CDKAL1: variants seen among roughly 807,000 people sequenced by gnomAD.
CDKAL1 encodes threonylcarbamoyladenosine tRNA methylthiotransferase.
A neutral mutation model predicts 68.2 loss-of-function variants in CDKAL1; 32 were observed. The ratio of observed to expected loss-of-function variants is 0.47; its 90% CI spans 0.35 to 0.63. The LOEUF (loss-of-function observed/expected upper bound fraction) is 0.63, where lower values mean the gene tolerates loss of function less well. CDKAL1 is among the 30% of genes least tolerant of loss of function. The pLI is 0.00. For missense variants in CDKAL1, 606 were observed against 696.7 expected, an observed-to-expected ratio of 0.87 and a Z score of 1.47; for synonymous variants, 234 against 244.3, an observed-to-expected ratio of 0.96 and a Z score of 0.39.
chr6:21,121,388 ACT>A (rs1774704558), intron 13 of CDKAL1, among the ~76,000 whole-genome samples: 1 of 152,110 alleles, frequency 6.6e-6, no homozygotes, highest in South Asian at 2.1e-4. Context: ...CGTTCCATAG[ACT>A]CTAAGCCATT....
intron 9 of CDKAL1, among the ~76,000 whole-genome samples, chr6:20,931,033 G>A (rs1010790070): frequency 6.6e-6 from 1 of 152,184 alleles, no homozygotes. Context: ...GTGAGCCACC[G>A]CGCCCGGCTG....
At chr6:21,079,860 T>C (rs1281043666) in intron 12 of CDKAL1, among the ~76,000 whole-genome samples, 1 of 152,142 alleles carries the variant, frequency 6.6e-6, no homozygotes, top group Non-Finnish European at 1.5e-5. Context: ...TTTTATCTTT[T>C]CCCAAGCTGT....
chr6:20,884,763 A>C (rs1461291409), intron 9 of CDKAL1, among the ~76,000 whole-genome samples: 2 of 152,236 alleles, frequency 1.3e-5, no homozygotes, highest in Admixed American at 6.5e-5. Flanking sequence ...TTCCGTTTAC[A>C]ATAGCATCTG....
intron 10 of CDKAL1, among the ~76,000 whole-genome samples, chr6:20,990,608 C>T (rs1035795428): frequency 3.3e-5 from 5 of 152,198 alleles, no homozygotes; most frequent in Admixed American, 6.5e-5. Context: ...TCATTTGGGT[C>T]GTAAGAATTG....
At chr6:20,556,361 G>A (rs905815586) in intron 4 of CDKAL1, among the ~76,000 whole-genome samples, 11 of 151,110 alleles carry the variant, frequency 7.3e-5, no homozygotes, top group Admixed American at 7.2e-4. Flanking sequence ...CTGAAACTCC[G>A]CCTCAAAAAA....
intron 13 of CDKAL1, among the ~76,000 whole-genome samples, chr6:21,176,184 A>G (rs577380184): frequency 6.6e-6 from 1 of 152,378 alleles, no homozygotes; most frequent in Non-Finnish European, 1.5e-5. Context: ...CCTTAGGTGG[A>G]ACAGATGTTA....
At chr6:20,977,480 T>C (rs952903575) in intron 10 of CDKAL1, among the ~76,000 whole-genome samples, 5 of 152,210 alleles carry the variant, frequency 3.3e-5, no homozygotes, top group Non-Finnish European at 7.4e-5. Context: ...ATAACCCCTT[T>C]AGGTCTTTGT....
chr6:20,961,494 G>A (rs921189284), intron 10 of CDKAL1, among the ~76,000 whole-genome samples: 3 of 152,138 alleles, frequency 2.0e-5, no homozygotes, highest in East Asian at 1.9e-4. Flanking sequence ...TCGGCTGGGC[G>A]CAGTGGCTCA....
intron 7 of CDKAL1, among the ~76,000 whole-genome samples, chr6:20,760,495 A>G (rs1003486858): frequency 2.6e-5 from 4 of 152,202 alleles, no homozygotes; most frequent in African/African-American, 9.6e-5. Context: ...TGTGAAGTGA[A>G]GTGGGCATAA....
chr6:20,783,778 G>A (rs1775536429), intron 8 of CDKAL1, among the ~76,000 whole-genome samples: 1 of 152,176 alleles, frequency 6.6e-6, no homozygotes, highest in East Asian at 1.9e-4. Flanking sequence ...GGCTGAATGT[G>A]TTTCAGTTGT....
At chr6:20,658,722 A>T (rs1769143963) in intron 5 of CDKAL1, among the ~76,000 whole-genome samples, 1 of 152,226 alleles carries the variant, frequency 6.6e-6, no homozygotes, top group Non-Finnish European at 1.5e-5. Context: ...GTTAGTAATT[A>T]TCCAGTTTAA....
chr6:20,641,556 A>C (rs1169160822), intron 4 of CDKAL1, among the ~76,000 whole-genome samples: 1 of 152,174 alleles, frequency 6.6e-6, no homozygotes, highest in African/African-American at 2.4e-5. Context: ...TTAGAACAGA[A>C]TTTCCCTTTT....
chr6:20,559,091 T>C (rs1764172136), intron 4 of CDKAL1: 1 of 151,404 alleles, frequency 6.6e-6, no homozygotes, highest in Non-Finnish European at 1.5e-5. Flanking sequence ...AGTAATTTCC[T>C]TTTTTTTTGT....
intron 13 of CDKAL1, among the ~76,000 whole-genome samples, chr6:21,137,267 G>A (rs1775654536): frequency 6.6e-6 from 1 of 152,132 alleles, no homozygotes; most frequent in South Asian, 2.1e-4. Context: ...TTAATTTTGA[G>A]TTAAAGATAT....
intron 11 of CDKAL1, among the ~76,000 whole-genome samples, chr6:21,057,035 A>C (rs1770874017): frequency 6.6e-6 from 1 of 152,230 alleles, no homozygotes; most frequent in Admixed American, 6.5e-5. Context: ...TGCTGGCCTC[A>C]TAAAATGAGT....
At chr6:20,972,048 C>G (rs180997133) in intron 10 of CDKAL1, among the ~76,000 whole-genome samples, 5 of 152,278 alleles carry the variant, frequency 3.3e-5, no homozygotes, top group African/African-American at 9.6e-5. Context: ...ACACCAAGGG[C>G]TTCTGTTTCT....
chr6:21,174,340 A>G (rs1365638513), intron 13 of CDKAL1, among the ~76,000 whole-genome samples: 2 of 152,232 alleles, frequency 1.3e-5, no homozygotes, highest in African/African-American at 4.8e-5. Flanking sequence ...AGTCGGTATA[A>G]TCTTAGTCAA....
chr6:20,811,267 C>G (rs1386437162), intron 8 of CDKAL1, among the ~76,000 whole-genome samples: 1 of 152,174 alleles, frequency 6.6e-6, no homozygotes, highest in African/African-American at 2.4e-5. Context: ...CTTTCTCCAT[C>G]CGGGGCAATT....
At chr6:20,632,797 CTATT>C (rs1190234557) in intron 4 of CDKAL1, among the ~76,000 whole-genome samples, 8 of 152,176 alleles carry the variant, frequency 5.3e-5, no homozygotes, top group African/African-American at 1.9e-4. Flanking sequence ...CATCGAGGGA[CTATT>C]TATTTTTGAA....
Sources: allele counts gnomAD v4.1 joint callset (sites outside exome capture counted in the v4.1 genomes callset), GRCh38; gene constraint gnomAD v4.1.1; transcripts MANE v1.5; gene names NCBI Gene and HGNC (gene_info 2026-07-23, HGNC 2026-07-21).